Variants in PTPRN2 observed in about 807,000 individuals in gnomAD.
PTPRN2 encodes the protein protein tyrosine phosphatase receptor type N2.
Under a neutral mutation model 118.8 loss-of-function variants are expected in PTPRN2, and 74 were observed. The observed-to-expected ratio is 0.62, with a 90% CI of 0.52 to 0.76. The LOEUF is 0.76. Among genes scored for constraint, PTPRN2 ranks in the 30% least tolerant of loss-of-function variants. The pLI is 0.00. For missense variants in PTPRN2, 1,481 were observed against 1,394.4 expected, an observed-to-expected ratio of 1.06 and a Z score of -0.99; for synonymous variants, 641 against 608.0, an observed-to-expected ratio of 1.05 and a Z score of -0.80.
intron 2 of PTPRN2, among the ~76,000 whole-genome samples, chr7:158,445,531 G>A (rs1817660726): frequency 6.6e-6 from 1 of 152,238 alleles, no homozygotes; most frequent in Non-Finnish European, 1.5e-5. Flanking sequence ...ACAGGTCAGA[G>A]GCTCTGGAGG....
chr7:157,655,101 C>A (rs1796287), intron 14 of PTPRN2, among the ~76,000 whole-genome samples: 82,926 of 152,110 alleles, frequency 0.55, 23,372 homozygotes, highest in East Asian at 0.7. Context: ...GGTGTGAACA[C>A]CTCGGGTTTG....
chr7:157,555,972 C>T (rs984147883), intron 21 of PTPRN2, among the ~76,000 whole-genome samples: 57 of 152,210 alleles, frequency 3.7e-4, no homozygotes, highest in African/African-American at 1.4e-3. Context: ...GAGGACTGGG[C>T]TCTGAAGGGC....
At chr7:157,855,271 C>T (rs923712468) in intron 12 of PTPRN2, among the ~76,000 whole-genome samples, 49 of 152,272 alleles carry the variant, frequency 3.2e-4, no homozygotes, top group African/African-American at 1.0e-3. Flanking sequence ...GCTCTGCGGA[C>T]GCCCAGGGAG....
intron 11 of PTPRN2, among the ~76,000 whole-genome samples, chr7:158,021,505 A>G (rs938323163): frequency 2.0e-5 from 3 of 152,162 alleles, no homozygotes; most frequent in African/African-American, 7.2e-5. Context: ...ATATCATTTT[A>G]AAAAGAAGGG....
chr7:157,570,640 G>A (rs10228498), intron 20 of PTPRN2, among the ~76,000 whole-genome samples: 1,599 of 152,270 alleles, frequency 0.011, 25 homozygotes, highest in African/African-American at 0.037. Flanking sequence ...TGGTTTTAAC[G>A]TACTTAGGGA....
intron 11 of PTPRN2, among the ~76,000 whole-genome samples, chr7:157,935,985 C>T (rs1386325466): frequency 1.3e-5 from 2 of 151,354 alleles, no homozygotes; most frequent in Admixed American, 1.3e-4. Context: ...GTGTCGCTCC[C>T]TCAGGGGGGG....
In PTPRN2 at chr7:158,419,511, C is replaced by A. The variant is rs558083336; in HGVS notation, c.163+70224G>T. Among the ~76,000 whole-genome samples, 8 of 152,220 alleles carry A rather than the reference C, an allele frequency of 5.3e-5. No individual in the cohort carries two copies. In the South Asian group the frequency reaches 1.7e-3, roughly 32 times the overall value. ...TCTCGGAGGTGCCCAGCTCCACAGA[C>A]CCTTCCACATGGGAAGGCAGCAGAG... On this transcript the variant is annotated intron_variant, in intron 2 of 22. Transcript: ENST00000389418.
At chr7:158,200,039 A>G (rs1826511675) in intron 4 of PTPRN2, among the ~76,000 whole-genome samples, 1 of 152,106 alleles carries the variant, frequency 6.6e-6, no homozygotes, top group Non-Finnish European at 1.5e-5. Context: ...ACGAGCCACA[A>G]TCCACGTATG....
chr7:158,214,058 C>T (rs567505514), intron 3 of PTPRN2, among the ~76,000 whole-genome samples: 7 of 151,930 alleles, frequency 4.6e-5, no homozygotes, highest in South Asian at 2.1e-4. Flanking sequence ...TCAGCCTTCC[C>T]GGAAGTCAGA....
intron 7 of PTPRN2, among the ~76,000 whole-genome samples, 161 bp downstream of exon 7, chr7:158,138,133 A>G (rs1199845708): frequency 6.6e-6 from 1 of 152,198 alleles, no homozygotes. Flanking sequence ...GAAAGCTTTT[A>G]GAGGCAAAAG....
intron 12 of PTPRN2, among the ~76,000 whole-genome samples, chr7:157,775,308 C>T (rs961012004): frequency 3.9e-5 from 6 of 152,232 alleles, no homozygotes; most frequent in African/African-American, 1.2e-4. Flanking sequence ...CCAGTTTCCA[C>T]CCAAATTCAT....
chr7:158,128,740 A>T (rs1280635256), intron 9 of PTPRN2, among the ~76,000 whole-genome samples: 1 of 152,032 alleles, frequency 6.6e-6, no homozygotes, highest in Admixed American at 6.6e-5. Flanking sequence ...CTCGGCATCC[A>T]TTTGGAAAGC....
intron 21 of PTPRN2, among the ~76,000 whole-genome samples, chr7:157,559,834 C>G (rs531151019): frequency 4.0e-4 from 61 of 152,292 alleles, no homozygotes; most frequent in Admixed American, 7.2e-4. Flanking sequence ...TGGCCCCCCC[C>G]GCCCCGTCTC....
chr7:157,552,770 C>T (rs1222338257), intron 21 of PTPRN2, among the ~76,000 whole-genome samples: 4 of 152,322 alleles, frequency 2.6e-5, no homozygotes, highest in South Asian at 2.1e-4. Context: ...TGGGGAAGCT[C>T]GGGCTACAGT....
At chr7:157,572,918 G>A (rs2150517292) in intron 19 of PTPRN2, among the ~76,000 whole-genome samples, 1 of 152,354 alleles carries the variant, frequency 6.6e-6, no homozygotes, top group Middle Eastern at 3.4e-3. Context: ...GTTTTTCCGG[G>A]GCACACAGTG....
chr7:158,136,361 C>A (rs1818808979), intron 8 of PTPRN2, among the ~76,000 whole-genome samples: 1 of 152,186 alleles, frequency 6.6e-6, no homozygotes, highest in Non-Finnish European at 1.5e-5. Flanking sequence ...GTGTGATAAT[C>A]CTGGCTGGGA....
intron 12 of PTPRN2, among the ~76,000 whole-genome samples, chr7:157,723,710 C>A (rs1799371735): frequency 6.6e-6 from 1 of 152,188 alleles, no homozygotes; most frequent in Non-Finnish European, 1.5e-5. Context: ...CAGGGATGTG[C>A]AGTCAAATTG....
intron 14 of PTPRN2, among the ~76,000 whole-genome samples, chr7:157,640,157 G>A (rs1260807678): frequency 1.3e-5 from 2 of 152,142 alleles, no homozygotes; most frequent in Non-Finnish European, 2.9e-5. Context: ...AGAAACCATC[G>A]GATAATGCAT....
At chr7:158,144,943 TCGGCAAGAC>T (rs1212526303) in intron 6 of PTPRN2, among the ~76,000 whole-genome samples, 4,156 of 150,192 alleles carry the variant, frequency 0.028, 220 homozygotes, top group African/African-American at 0.038. Context: ...ATGCCACGGC[TCGGCAAGAC>T]TTCCCTCACA....
Sources: allele counts gnomAD v4.1 joint callset (sites outside exome capture counted in the v4.1 genomes callset), GRCh38; gene constraint gnomAD v4.1.1; transcripts MANE v1.5; gene names NCBI Gene and HGNC (gene_info 2026-07-23, HGNC 2026-07-21).